The following GPR158 variants were observed in gnomAD, a reference collection of about 807,000 sequenced individuals.
GPR158 encodes G protein-coupled receptor 158.
In GPR158, 30 loss-of-function variants were observed where a neutral mutation model predicts 78.2. The ratio of observed to expected loss-of-function variants is 0.38; its 90% CI spans 0.29 to 0.52. GPR158 has a LOEUF of 0.52. Among genes scored for constraint, GPR158 ranks in the 20% least tolerant of loss-of-function variants. The pLI, the probability that GPR158 is intolerant of heterozygous loss-of-function variation, is 0.83. For missense variants in GPR158, 1,463 were observed against 1,523.5 expected (o/e 0.96, Z 0.66); for synonymous variants, 581 against 591.1 (o/e 0.98, Z 0.25).
chr10:25,529,616 A>G (rs1293940169), intron 5 of GPR158, among the ~76,000 whole-genome samples: 5 of 152,246 alleles, frequency 3.3e-5, no homozygotes, highest in African/African-American at 1.2e-4. Context: ...AAAGCGCAAT[A>G]TAAAGGTTAC....
intron 1 of GPR158, among the ~76,000 whole-genome samples, chr10:25,208,652 T>G (rs1397797450): frequency 6.6e-6 from 1 of 151,146 alleles, no homozygotes; most frequent in Non-Finnish European, 1.5e-5. Context: ...TGGAACTGTG[T>G]CACATTGTGC....
intron 2 of GPR158, among the ~76,000 whole-genome samples, chr10:25,282,444 T>C (rs772111308): frequency 6.6e-6 from 1 of 152,188 alleles, no homozygotes; most frequent in African/African-American, 2.4e-5. Context: ...AATATTCATG[T>C]ACAGGTTTTT....
chr10:25,319,169 C>T (rs535411206), intron 2 of GPR158, among the ~76,000 whole-genome samples: 16 of 152,192 alleles, frequency 1.1e-4, no homozygotes, highest in African/African-American at 3.4e-4. Context: ...TCCTTGTTTC[C>T]TTACTCATTT....
chr10:25,453,911 T>G (rs1835256711), intron 4 of GPR158, among the ~76,000 whole-genome samples: 2 of 152,204 alleles, frequency 1.3e-5, no homozygotes, highest in South Asian at 4.1e-4. Flanking sequence ...TTAGCTGTTT[T>G]GGGGTCTTTT....
chr10:25,578,110 G>GTACT (rs1837130758), intron 7 of GPR158, among the ~76,000 whole-genome samples: 1 of 152,070 alleles, frequency 6.6e-6, no homozygotes, highest in South Asian at 2.1e-4. Context: ...ACATACTATG[G>GTACT]TACTTACACT....
rs542368341 is a variant in GPR158, at chr10:25,253,314, C to G, written c.1008+32157C>G. 2.8e-3 allele frequency among the ~76,000 whole-genome samples: 430 copies of G among 152,314 alleles called. 3 individuals carry two copies. Among genetic ancestry groups the G allele is most frequent in the Admixed American group, 4.9e-3 (75 of 15,308 alleles). ...TGGGAGCTGTAGACCGGAGCAGTTC[C>G]TATTCGGCCATCTTGGCACCTCCCC... On this transcript the variant is annotated intron_variant, in intron 2 of 10. Coordinates refer to ENST00000376351, the MANE Select transcript of GPR158 (RefSeq NM_020752.3).
intron 2 of GPR158, among the ~76,000 whole-genome samples, chr10:25,343,262 G>A (rs1855329579): frequency 6.6e-6 from 1 of 151,966 alleles, no homozygotes; most frequent in South Asian, 2.1e-4. Context: ...TTTCTTCTAA[G>A]TTTTGACTTT....
intron 2 of GPR158, among the ~76,000 whole-genome samples, chr10:25,359,002 C>CTG (rs1855590782): frequency 2.1e-5 from 3 of 143,342 alleles, no homozygotes; most frequent in Admixed American, 1.3e-4. Context: ...GTCAAGTATT[C>CTG]TGTTTTTTTT....
chr10:25,269,536 T>C (rs1006967830), intron 2 of GPR158, among the ~76,000 whole-genome samples: 9 of 152,218 alleles, frequency 5.9e-5, no homozygotes, highest in African/African-American at 2.2e-4. Context: ...AGGGATTAAA[T>C]TCTAGTTTTA....
intron 4 of GPR158, among the ~76,000 whole-genome samples, chr10:25,424,234 A>AT (rs950962223): frequency 3.2e-4 from 49 of 151,520 alleles, no homozygotes; most frequent in African/African-American, 1.1e-3. Flanking sequence ...GGGTTGTTTG[A>AT]TTTTTTCTTG....
chr10:25,344,341 A>G (rs1463395351), intron 2 of GPR158, among the ~76,000 whole-genome samples: 1 of 151,916 alleles, frequency 6.6e-6, no homozygotes, highest in Non-Finnish European at 1.5e-5. Flanking sequence ...TACATTGTGA[A>G]ATGGCTAAAT....
At chr10:25,586,124 C>T (rs561532450) in intron 7 of GPR158, among the ~76,000 whole-genome samples, 9 of 152,140 alleles carry the variant, frequency 5.9e-5, no homozygotes, top group Non-Finnish European at 7.4e-5. Context: ...CTAGGAATGC[C>T]GGGATAACAG....
chr10:25,314,840 C>CACT (rs60100862), intron 2 of GPR158, among the ~76,000 whole-genome samples: 11,273 of 117,126 alleles, frequency 0.096, 1,064 homozygotes, highest in African/African-American at 0.29. Context: ...TACATATACA[C>CACT]GTATATACAT....
chr10:25,241,082 T>A (rs1319368180), intron 2 of GPR158, among the ~76,000 whole-genome samples: 1 of 152,130 alleles, frequency 6.6e-6, no homozygotes, highest in Non-Finnish European at 1.5e-5. Context: ...TTTCTATGTA[T>A]TTTTTAACTC....
intron 2 of GPR158, among the ~76,000 whole-genome samples, chr10:25,347,975 G>C (rs768804916): frequency 1.3e-5 from 2 of 151,784 alleles, no homozygotes; most frequent in Non-Finnish European, 2.9e-5. Flanking sequence ...ACCCCTAATA[G>C]CCTAAAGTCT....
Position 25,451,503 on chromosome 10 carries a change from C to T in GPR158, c.1336-15148C>T, listed in dbSNP as rs758328796. ...GCAGGGCGTGGTTTCCTATTTCACA[C>T]ACATTTTTATATTTCAGTAGAAGGT... On this transcript the variant is annotated intron_variant, in intron 4 of 10. Transcript: ENST00000376351. 6.3e-4 allele frequency among the ~76,000 whole-genome samples: 96 copies of T among 152,278 alleles called. 1 individual carries two copies. The highest frequency in any genetic ancestry group is 4.4e-4 in the Non-Finnish European group (30 of 68,022).
chr10:25,289,494 G>A (rs368197532), intron 2 of GPR158, among the ~76,000 whole-genome samples: 13 of 152,022 alleles, frequency 8.6e-5, no homozygotes, highest in East Asian at 3.9e-4. Flanking sequence ...GTGCAGTGGC[G>A]CCATCTCGGC....
chr10:25,472,953 T>C (rs1157435987), intron 5 of GPR158, among the ~76,000 whole-genome samples: 1 of 152,152 alleles, frequency 6.6e-6, no homozygotes, highest in Non-Finnish European at 1.5e-5. Context: ...TATTTCCTTC[T>C]CCTGCCTGAT....
intron 4 of GPR158, among the ~76,000 whole-genome samples, chr10:25,445,825 C>G (rs1418861816): frequency 1.3e-5 from 2 of 151,934 alleles, no homozygotes; most frequent in Admixed American, 1.3e-4. Context: ...TTTGATTTTC[C>G]ACATGAATTG....
Sources: gnomAD v4.1 joint callset for allele counts (sites outside exome capture counted in the v4.1 genomes callset) on GRCh38, gnomAD v4.1.1 for gene constraint, MANE v1.5 for transcripts, NCBI Gene and HGNC (gene_info 2026-07-23, HGNC 2026-07-21) for gene names.